SLC12A8: variants seen among roughly 807,000 people sequenced by gnomAD.
SLC12A8 encodes the protein cation-chloride cotransporter 9.
In SLC12A8, 69 loss-of-function variants were observed where a neutral mutation model predicts 75.6. The observed-to-expected ratio is 0.91, with a 90% confidence interval of 0.75 to 1.11. The LOEUF is 1.11. SLC12A8 is among the 50% of genes most tolerant of loss of function. The probability of loss-of-function intolerance (pLI) is 0.00; values close to 1 mark genes in which losing one functional copy is unlikely to be tolerated. For missense variants in SLC12A8, 877 were observed against 896.7 expected (o/e 0.98, Z 0.28); for synonymous variants, 365 against 372.8 (o/e 0.98, Z 0.24).
intron 2 of SLC12A8, among the ~76,000 whole-genome samples, chr3:125,198,934 C>T (rs768353393): frequency 2.2e-4 from 33 of 151,910 alleles, no homozygotes; most frequent in East Asian, 7.9e-4. Flanking sequence ...CCCGCCACCA[C>T]GCCCGGCTAA....
chr3:125,131,895 AC>A (rs1175712229), intron 6 of SLC12A8, among the ~76,000 whole-genome samples: 1 of 151,968 alleles, frequency 6.6e-6, no homozygotes, highest in Non-Finnish European at 1.5e-5. Context: ...TGGAACCCCC[AC>A]CCCGCCAACT....
At chr3:125,084,194 G>T in intron 13 of SLC12A8, 142 bp from the exon 14 acceptor site, 1 of 653,074 alleles carries the variant, frequency 1.5e-6, no homozygotes, top group Non-Finnish European at 2.6e-6. Context: ...AAAGGTATAT[G>T]TACAGGTATA....
At chr3:125,168,976 T>G (rs996224456) in intron 5 of SLC12A8, among the ~76,000 whole-genome samples, 3 of 152,204 alleles carry the variant, frequency 2.0e-5, no homozygotes, top group Non-Finnish European at 4.4e-5. Flanking sequence ...GAGTGTGCAG[T>G]GCAGGCTCTG....
chr3:125,108,990 G>A (rs569789497), intron 9 of SLC12A8, among the ~76,000 whole-genome samples: 1 of 152,272 alleles, frequency 6.6e-6, no homozygotes, highest in South Asian at 2.1e-4. Context: ...GCCTCTCCTG[G>A]GAGCTCTTCA....
chr3:125,151,532 C>G (rs11713052), intron 5 of SLC12A8: 3,940 of 154,230 alleles, frequency 0.026, 62 homozygotes, highest in African/African-American at 0.039. Flanking sequence ...TCCCCACTGG[C>G]TTTGGCATCT....
intron 10 of SLC12A8, among the ~76,000 whole-genome samples, chr3:125,106,352 G>GTTTTTT (rs113822511): frequency 1.5e-4 from 22 of 149,726 alleles, no homozygotes; most frequent in East Asian, 3.9e-4. Flanking sequence ...GGTTTTTGGG[G>GTTTTTT]TTTTTTGTTG....
chr3:125,200,684 T>C (rs1412329742), intron 2 of SLC12A8, among the ~76,000 whole-genome samples: 3 of 152,240 alleles, frequency 2.0e-5, no homozygotes, highest in Non-Finnish European at 4.4e-5. Flanking sequence ...TGGTGAATCC[T>C]TTTGTAAAAT....
chr3:125,117,366 C>A (rs574130558), intron 8 of SLC12A8, among the ~76,000 whole-genome samples: 59 of 150,436 alleles, frequency 3.9e-4, no homozygotes, highest in South Asian at 2.3e-3. Context: ...GTGGGAGGAT[C>A]ACTCAAAGCC....
chr3:125,209,828 T>G (rs1017683118), intron 2 of SLC12A8, among the ~76,000 whole-genome samples: 10 of 152,204 alleles, frequency 6.6e-5, no homozygotes. Context: ...TGAAGGAATT[T>G]AAGCAGAGGG....
chr3:125,138,845 AAC>A (rs3061221), intron 5 of SLC12A8, among the ~76,000 whole-genome samples: 11,269 of 137,626 alleles, frequency 0.082, 505 homozygotes, highest in Admixed American at 0.13. Context: ...CCTTCTACAA[AAC>A]ACACACACAC....
intron 10 of SLC12A8, among the ~76,000 whole-genome samples, chr3:125,101,019 CAAAAAAAA>C (rs59602383): frequency 2.3e-5 from 2 of 86,740 alleles, no homozygotes; most frequent in Admixed American, 2.8e-4. Context: ...GACTCCGTCT[CAAAAAAAA>C]AAAAAAAAAA....
chr3:125,121,731 G>C (rs539367098), intron 6 of SLC12A8, among the ~76,000 whole-genome samples: 3 of 152,208 alleles, frequency 2.0e-5, no homozygotes, highest in Non-Finnish European at 4.4e-5. Context: ...TTCAACCCTG[G>C]TCTGTCTGAC....
chr3:125,127,497 T>C (rs550451231), intron 6 of SLC12A8, among the ~76,000 whole-genome samples: 1 of 152,288 alleles, frequency 6.6e-6, no homozygotes, highest in South Asian at 2.1e-4. Flanking sequence ...ATCTGTAAAA[T>C]GGGTAAATAA....
chr3:125,128,188 T>TATTTTTA (rs1560060792), intron 6 of SLC12A8, among the ~76,000 whole-genome samples: 2 of 115,958 alleles, frequency 1.7e-5, no homozygotes, highest in Non-Finnish European at 1.6e-5. Context: ...TTTTTATTTT[T>TATTTTTA]TTTTTTTTTT....
intron 5 of SLC12A8, among the ~76,000 whole-genome samples, chr3:125,157,372 C>T (rs73859134): frequency 0.11 from 16,711 of 152,100 alleles, 1,892 homozygotes; most frequent in African/African-American, 0.29. Flanking sequence ...TGAAAAATAA[C>T]GGCTGTGATC....
At chr3:125,127,422 C>G (rs1204329040) in intron 6 of SLC12A8, among the ~76,000 whole-genome samples, 1 of 152,176 alleles carries the variant, frequency 6.6e-6, no homozygotes, top group East Asian at 1.9e-4. Context: ...TGGGAAGCAA[C>G]GGGGTTTACC....
At chr3:125,104,428 G>T (rs1938970849) in intron 10 of SLC12A8, among the ~76,000 whole-genome samples, 1 of 150,538 alleles carries the variant, frequency 6.6e-6, no homozygotes. Context: ...AATTTTAAAG[G>T]AGGAAGATCA....
At chr3:125,091,165 T>C (rs1938569386) in intron 12 of SLC12A8, among the ~76,000 whole-genome samples, 1 of 152,224 alleles carries the variant, frequency 6.6e-6, no homozygotes, top group Non-Finnish European at 1.5e-5. Flanking sequence ...ATAAGAAACT[T>C]ACAACAGTAT....
chr3:125,135,730 G>A lies in SLC12A8; in HGVS notation c.675C>T (p.Pro225=), dbSNP rs3732495. 169 of 1,610,098 alleles carry A rather than the reference G, an allele frequency of 1.0e-4. No homozygotes were observed. The East Asian group carries it at 2.2e-3, about 21-fold the overall frequency. The stretch of plus-strand genomic sequence containing the variant: ...AAAAAGATTCCCCCGGGCTGTAATC[G>A]GGCAGCGTGTTGTTCTGTAGCAGTT... ...SPELLQNNTL[P]DYSPGESFFT... The change falls in exon 6 of 14, where the codon CCC becomes CCT. Residue 225 remains proline (P), a synonymous_variant. Coordinates refer to ENST00000469902, the MANE Select transcript of SLC12A8 (RefSeq NM_024628.6).
Sources: gnomAD v4.1 joint callset for allele counts (sites outside exome capture counted in the v4.1 genomes callset) on GRCh38, gnomAD v4.1.1 for gene constraint, MANE v1.5 for transcripts, NCBI Gene and HGNC (gene_info 2026-07-23, HGNC 2026-07-21) for gene names.